Variants in THOC2 observed in about 807,000 individuals in gnomAD.
THOC2 encodes the protein THO complex 2.
A neutral mutation model predicts 128.4 loss-of-function variants in THOC2; 10 were observed. The ratio of observed to expected loss-of-function variants is 0.08; its 90% CI spans 0.05 to 0.13. THOC2 has a LOEUF of 0.13. Ranked by LOEUF, THOC2 falls within the 10% of genes least tolerant of loss-of-function variation. THOC2 has a pLI of 1.00. For missense variants in THOC2, 535 were observed against 1,155.7 expected (o/e 0.46, Z 7.79); for synonymous variants, 393 against 396.9 (o/e 0.99, Z 0.12).
In THOC2 at chrX:123,600,611, T is replaced by TAG. The variant is rs753527610; in HGVS notation, c.*744_*745dup. 9 of 112,712 alleles carry TAG rather than the reference T, an allele frequency of 8.0e-5. No individual in the cohort carries two copies. The East Asian group carries it at 2.2e-3, about 28-fold the overall frequency. 9.3% of individuals were successfully genotyped at this position (112,712 alleles called of 1,213,427 possible). A position where few individuals can be genotyped will look rare whatever the true frequency, so the allele number is the denominator to read the frequency against. On this transcript the variant is annotated 3_prime_UTR_variant, in exon 39 of 39. Coordinates refer to ENST00000245838, the MANE Select transcript of THOC2 (RefSeq NM_001081550.2). The stretch of plus-strand genomic sequence containing the variant: ...TTATTTAGAAAAAAGGTTACACTGG[T>TAG]AGAATTCGGCAGATAAAAAAATTCT...
intron 12 of THOC2, among the ~76,000 whole-genome samples, chrX:123,656,775 G>A (rs902914507): frequency 9.0e-6 from 1 of 110,855 alleles, no homozygotes; most frequent in Non-Finnish European, 1.9e-5. Context: ...TTTGGGAGGC[G>A]GAGGTGGGTA....
intron 8 of THOC2, among the ~76,000 whole-genome samples, chrX:123,684,230 T>C (rs2049913974): frequency 9.0e-6 from 1 of 111,545 alleles, no homozygotes; most frequent in African/African-American, 3.3e-5. Context: ...AAACCCACAG[T>C]CTCCAAAGCC....
At chrX:123,652,464 C>T (rs2048399132) in intron 12 of THOC2, among the ~76,000 whole-genome samples, 1 of 111,404 alleles carries the variant, frequency 9.0e-6, no homozygotes, top group African/African-American at 3.3e-5. Context: ...ATAAAGGGTA[C>T]TGAAATAGGA....
intron 1 of THOC2, among the ~76,000 whole-genome samples, chrX:123,716,302 G>A (rs1411128739): frequency 8.9e-6 from 1 of 112,683 alleles, no homozygotes; most frequent in African/African-American, 3.2e-5. Flanking sequence ...TATAGAGGCT[G>A]AGCGCAGTGG....
intron 12 of THOC2, among the ~76,000 whole-genome samples, chrX:123,655,588 T>A (rs952714248): frequency 9.0e-6 from 1 of 111,367 alleles, no homozygotes; most frequent in African/African-American, 3.3e-5. Flanking sequence ...ACCAAAAAAA[T>A]TTGCAGGCAT....
At chrX:123,668,692 C>G (rs1362688925) in intron 9 of THOC2, among the ~76,000 whole-genome samples, 1 of 112,003 alleles carries the variant, frequency 8.9e-6, no homozygotes, top group East Asian at 2.8e-4. Context: ...TTAAATAAAG[C>G]ATTGCAATAT....
At chrX:123,656,559 A>G (rs1399836208) in intron 12 of THOC2, among the ~76,000 whole-genome samples, 2 of 110,255 alleles carry the variant, frequency 1.8e-5, no homozygotes, top group Non-Finnish European at 3.8e-5. Flanking sequence ...AAATATAAAA[A>G]ATTAGCCAGG....
chrX:123,703,582 C>G (rs1026658185), intron 3 of THOC2, 77 bp from the exon 4 acceptor site: 3 of 674,829 alleles, frequency 4.4e-6, no homozygotes, highest in Non-Finnish European at 6.7e-6. Flanking sequence ...TAACACTCTT[C>G]TGTGAAACTT....
chrX:123,655,335 C>A (rs1372013495), intron 12 of THOC2, among the ~76,000 whole-genome samples: 1 of 111,588 alleles, frequency 9.0e-6, no homozygotes, highest in Non-Finnish European at 1.9e-5. Flanking sequence ...GAATCAGACT[C>A]CCCCTCCTGT....
intron 8 of THOC2, among the ~76,000 whole-genome samples, chrX:123,684,004 G>A (rs1277510904): frequency 9.1e-6 from 1 of 109,947 alleles, no homozygotes; most frequent in African/African-American, 3.3e-5. Flanking sequence ...GTATTTATTG[G>A]GTAAGTATTT....
intron 36 of THOC2, among the ~76,000 whole-genome samples, chrX:123,613,168 T>C (rs896079418): frequency 3.6e-5 from 4 of 110,787 alleles, no homozygotes; most frequent in Non-Finnish European, 7.6e-5. Flanking sequence ...GGGAATGGAA[T>C]GGAGAGGGGA....
At chrX:123,725,508 A>G (rs2051919075) in intron 1 of THOC2, among the ~76,000 whole-genome samples, 1 of 103,979 alleles carries the variant, frequency 9.6e-6, no homozygotes, top group Non-Finnish European at 2.0e-5. Context: ...TGGGAGGTTG[A>G]GCTGGGAGGA....
chrX:123,689,066 A>G (rs371903997), intron 7 of THOC2, among the ~76,000 whole-genome samples: 8 of 112,728 alleles, frequency 7.1e-5, no homozygotes, highest in African/African-American at 2.6e-4. Flanking sequence ...TAGAACAGCA[A>G]CATGTTAGAT....
chrX:123,691,342 T>C (rs1379827065), intron 7 of THOC2, among the ~76,000 whole-genome samples: 1 of 111,790 alleles, frequency 8.9e-6, no homozygotes, highest in Non-Finnish European at 1.9e-5. Context: ...AATGTAAAAA[T>C]TTAAGTAAAT....
intron 12 of THOC2, among the ~76,000 whole-genome samples, chrX:123,663,241 C>T (rs1312597641): frequency 9.0e-6 from 1 of 111,717 alleles, no homozygotes; most frequent in African/African-American, 3.3e-5. Flanking sequence ...AATAAAATAT[C>T]ACTCAGCAAT....
At chrX:123,618,080 G>GT (rs2046960209) in intron 33 of THOC2, among the ~76,000 whole-genome samples, 1 of 111,241 alleles carries the variant, frequency 9.0e-6, no homozygotes, top group Non-Finnish European at 1.9e-5. Flanking sequence ...CAACATTTTT[G>GT]TAACTCCTAC....
chrX:123,666,526 G>T (rs1343597010), intron 11 of THOC2, among the ~76,000 whole-genome samples: 2 of 111,517 alleles, frequency 1.8e-5, no homozygotes, highest in African/African-American at 6.5e-5. Context: ...AGGCTTTTGA[G>T]GCAGGCTCTG....
chrX:123,615,430 G>A (rs1012385055), intron 33 of THOC2, among the ~76,000 whole-genome samples: 6 of 110,624 alleles, frequency 5.4e-5, no homozygotes, highest in African/African-American at 6.5e-5. Context: ...TAGACAAAAT[G>A]CTTATTAATA....
At chrX:123,731,616 T>G (rs776020184) in intron 1 of THOC2, among the ~76,000 whole-genome samples, 148 of 111,990 alleles carry the variant, frequency 1.3e-3, no homozygotes, top group Non-Finnish European at 1.8e-3. Context: ...TATTCCCAAT[T>G]TACTCAAGGG....
Sources: gnomAD v4.1 joint callset for allele counts (sites outside exome capture counted in the v4.1 genomes callset) on GRCh38, gnomAD v4.1.1 for gene constraint, MANE v1.5 for transcripts, NCBI Gene and HGNC (gene_info 2026-07-23, HGNC 2026-07-21) for gene names.